The following ADAMTS12 variants were observed in gnomAD, a reference collection of about 807,000 sequenced individuals.
The protein encoded by ADAMTS12 is A disintegrin and metalloproteinase with thrombospondin motifs 12.
ADAMTS12 carries 118 observed loss-of-function variants against 167.8 expected under a neutral mutation model. That is an observed-to-expected ratio of 0.70 (90% CI 0.61 to 0.82). ADAMTS12 has a LOEUF of 0.82. ADAMTS12 is among the 40% of genes least tolerant of loss of function. ADAMTS12 has a pLI of 0.00. For missense variants in ADAMTS12, 1,916 were observed against 1,998.8 expected, an observed-to-expected ratio of 0.96 and a Z score of 0.79; for synonymous variants, 704 against 716.9, an observed-to-expected ratio of 0.98 and a Z score of 0.29.
chr5:33,675,242 G>A (rs1488655764), intron 5 of ADAMTS12, among the ~76,000 whole-genome samples: 1 of 152,144 alleles, frequency 6.6e-6, no homozygotes, highest in South Asian at 2.1e-4. Flanking sequence ...GAATAAGGAG[G>A]ATAACAGAGA....
intron 1 of ADAMTS12, chr5:33,891,402 T>C (rs912123207): frequency 3.3e-5 from 8 of 241,310 alleles, no homozygotes; most frequent in South Asian, 1.6e-4. Flanking sequence ...GTCTGAAAAA[T>C]AGGGGATCAA....
At chr5:33,796,488 C>T (rs6877981) in intron 2 of ADAMTS12, among the ~76,000 whole-genome samples, 2,303 of 152,222 alleles carry the variant, frequency 0.015, 75 homozygotes, top group African/African-American at 0.053. Flanking sequence ...TTTATATACA[C>T]CTGCAGTGCC....
chr5:33,566,022 G>GA (rs1174014261), intron 19 of ADAMTS12, among the ~76,000 whole-genome samples: 1 of 152,022 alleles, frequency 6.6e-6, no homozygotes, highest in African/African-American at 2.4e-5. Context: ...AGAGGATGGG[G>GA]AAAAAAATGA....
intron 2 of ADAMTS12, among the ~76,000 whole-genome samples, chr5:33,766,555 TA>T (rs1678106391): frequency 6.6e-6 from 1 of 152,116 alleles, no homozygotes; most frequent in African/African-American, 2.4e-5. Flanking sequence ...TTGACAAATA[TA>T]ATTTAATATC....
At chr5:33,784,668 A>T (rs1470266907) in intron 2 of ADAMTS12, among the ~76,000 whole-genome samples, 1 of 152,052 alleles carries the variant, frequency 6.6e-6, no homozygotes, top group Non-Finnish European at 1.5e-5. Flanking sequence ...TGAAATGTAC[A>T]AAACATTACC....
chr5:33,766,707 C>A (rs1490260874), intron 2 of ADAMTS12, among the ~76,000 whole-genome samples: 1 of 151,940 alleles, frequency 6.6e-6, no homozygotes, highest in African/African-American at 2.4e-5. Context: ...AGAACTCATT[C>A]TTTTTTAATT....
At position 33,659,238 on chromosome 5, in the gene ADAMTS12, G is replaced by C. The variant is rs533944911; in HGVS notation, c.1041-905C>G. On this transcript the variant is annotated intron_variant, in intron 6 of 23. Transcript: ENST00000504830. The stretch of plus-strand genomic sequence containing the variant: ...CAGTTCTCCAGGTTGCAATGGCTGG[G>C]GTAATAGGACAGGAAAGAGCAGGCC... Among the ~76,000 whole-genome samples, 88 of 152,186 alleles carry C rather than the reference G, an allele frequency of 5.8e-4. 1 individual carries two copies. The highest frequency in any genetic ancestry group is 3.4e-3 in the Middle Eastern group (1 of 294).
intron 2 of ADAMTS12, among the ~76,000 whole-genome samples, chr5:33,832,762 T>C (rs1214870589): frequency 6.6e-6 from 1 of 152,148 alleles, no homozygotes; most frequent in Non-Finnish European, 1.5e-5. Flanking sequence ...TCTTTAACTA[T>C]AACCCATACT....
chr5:33,585,785 G>T (rs1365456290), intron 18 of ADAMTS12, among the ~76,000 whole-genome samples: 2 of 152,176 alleles, frequency 1.3e-5, no homozygotes, highest in Non-Finnish European at 2.9e-5. Flanking sequence ...AAAAGGGGCT[G>T]GTCACAGGGG....
chr5:33,661,725 G>A lies in ADAMTS12; in HGVS notation c.1040+191C>T, dbSNP rs77507627. ...GTTTATTAACAAGGAGAGCTTTGTCGTATTAGCAAGTTTGTTAAACTGTTT... is the reference window on the plus strand; with the variant it reads ...GTTTATTAACAAGGAGAGCTTTGTCATATTAGCAAGTTTGTTAAACTGTTT... On this transcript the variant is annotated intron_variant, in intron 6 of 23. Coordinates refer to ENST00000504830, the MANE Select transcript of ADAMTS12 (RefSeq NM_030955.4). Among the ~76,000 whole-genome samples, 573 of 152,284 alleles carry A rather than the reference G, an allele frequency of 3.8e-3. 6 individuals are homozygous for A. The highest frequency in any genetic ancestry group is 0.013 in the African/African-American group (557 of 41,550).
In ADAMTS12 at chr5:33,647,559, C is replaced by A. The variant is rs139894004; in HGVS notation, c.1479+1263G>T. ...CAGCCTGACCAATATGGTGAAACAC[C>A]ATCTCTACTGAAAATACAAAAATTA... On this transcript the variant is annotated intron_variant, in intron 9 of 23. Coordinates refer to ENST00000504830, the MANE Select transcript of ADAMTS12 (RefSeq NM_030955.4). 5.5e-3 allele frequency among the ~76,000 whole-genome samples: 839 copies of A among 152,224 alleles called. 6 individuals carry two copies. The highest frequency in any genetic ancestry group is 0.019 in the African/African-American group (785 of 41,534).
At chr5:33,795,955 C>T (rs1746759951) in intron 2 of ADAMTS12, among the ~76,000 whole-genome samples, 1 of 152,176 alleles carries the variant, frequency 6.6e-6, no homozygotes, top group South Asian at 2.1e-4. Flanking sequence ...TTTCTGGGCA[C>T]ATGAAGAAAT....
At chr5:33,684,098 C>T (rs1447127159) in intron 3 of ADAMTS12, 43 bp from the exon 4 acceptor site, 1 of 1,297,654 alleles carries the variant, frequency 7.7e-7, no homozygotes, top group East Asian at 2.7e-5. Context: ...CTGTATATGT[C>T]TCATATATTA....
chr5:33,846,451 G>C (rs1434484962), intron 2 of ADAMTS12, among the ~76,000 whole-genome samples: 1 of 152,180 alleles, frequency 6.6e-6, no homozygotes, highest in Non-Finnish European at 1.5e-5. Flanking sequence ...TAATAGAATT[G>C]AGTTTCTAAA....
intron 18 of ADAMTS12, among the ~76,000 whole-genome samples, chr5:33,585,194 G>C (rs1174076423): frequency 1.3e-5 from 2 of 151,994 alleles, no homozygotes; most frequent in Non-Finnish European, 2.9e-5. Context: ...TCTCATTGGG[G>C]GTACCAGGGG....
In ADAMTS12 at chr5:33,614,347, G is replaced by A. The variant is rs1738878005; in HGVS notation, c.2418C>T (p.Ile806=). 6.2e-7 allele frequency: 1 copy of A among 1,614,112 alleles called. No individual in the cohort carries two copies. The highest frequency in any genetic ancestry group is 2.2e-5 in the East Asian group (1 of 44,876). Reference sequence around the variant, plus strand: ...CTTTCTGGATTGTGTACTCATACTTGATGCCAGGGTTAGTCACCTGGAATA... The same window carrying A: ...CTTTCTGGATTGTGTACTCATACTTAATGCCAGGGTTAGTCACCTGGAATA... ...QLLFQVTNPG[I]KYEYTIQKDG... The change falls in exon 16 of 24, where the codon ATC becomes ATT. Residue 806 remains isoleucine (I), a synonymous_variant. Coordinates refer to ENST00000504830, the MANE Select transcript of ADAMTS12 (RefSeq NM_030955.4).
intron 6 of ADAMTS12, among the ~76,000 whole-genome samples, chr5:33,659,279 C>G (rs1352177541): frequency 6.6e-6 from 1 of 152,190 alleles, no homozygotes; most frequent in African/African-American, 2.4e-5. Flanking sequence ...TCAGCACATG[C>G]ACCACAAACT....
At chr5:33,540,576 T>A (rs998785769) in intron 22 of ADAMTS12, among the ~76,000 whole-genome samples, 4 of 152,198 alleles carry the variant, frequency 2.6e-5, no homozygotes, top group Non-Finnish European at 5.9e-5. Context: ...AGACACATCA[T>A]ATAGGCAGCT....
chr5:33,571,200 T>C (rs1481928068), intron 19 of ADAMTS12, among the ~76,000 whole-genome samples: 1 of 151,756 alleles, frequency 6.6e-6, no homozygotes, highest in African/African-American at 2.4e-5. Context: ...GACAGAAAGT[T>C]AACAAGGATA....
Sources: allele counts gnomAD v4.1 joint callset (sites outside exome capture counted in the v4.1 genomes callset), GRCh38; gene constraint gnomAD v4.1.1; transcripts MANE v1.5; gene names NCBI Gene and HGNC (gene_info 2026-07-23, HGNC 2026-07-21).